The following MOK variants were observed in gnomAD, a reference collection of about 807,000 sequenced individuals.
The protein encoded by MOK is MOK protein kinase, also known as MAPK/MAK/MRK overlapping kinase.
Under a neutral mutation model 54.2 loss-of-function variants are expected in MOK, and 59 were observed. The observed-to-expected ratio is 1.09, with a 90% CI of 0.88 to 1.35. MOK has a LOEUF of 1.35. Ranked by LOEUF, MOK falls within the 40% of genes most tolerant of loss-of-function variation. The pLI is 0.00. For synonymous variants in MOK, 210 were observed against 202.7 expected (o/e 1.04, Z -0.31); for missense variants, 517 against 526.2 (o/e 0.98, Z 0.17).
chr14:102,295,626 CA>C (rs1271503544), intron 1 of MOK, among the ~76,000 whole-genome samples: 4 of 152,088 alleles, frequency 2.6e-5, no homozygotes, highest in African/African-American at 9.7e-5. Flanking sequence ...CAGTTCAAAC[CA>C]AATTACTAAA....
chr14:102,220,033 A>T (rs535324637), downstream of MOK, among the ~76,000 whole-genome samples: 1 of 152,188 alleles, frequency 6.6e-6, no homozygotes, highest in Non-Finnish European at 1.5e-5. This position sits in a 1 kb window ranked among gnomAD's most constrained non-coding sequence, Gnocchi z 4.2. Context: ...TGCTAATGGG[A>T]GAATAGGAAG....
intron 10 of MOK, chr14:102,229,911 G>C (rs2064514714): frequency 4.3e-6 from 2 of 467,608 alleles, no homozygotes; most frequent in East Asian, 3.6e-5. Context: ...GGGCGGCAAA[G>C]GGCTCGCGGG....
intron 2 of MOK, among the ~76,000 whole-genome samples, chr14:102,271,881 T>C (rs2068397791): frequency 6.6e-6 from 1 of 150,692 alleles, no homozygotes; most frequent in Non-Finnish European, 1.5e-5. Context: ...AAAGACTTTT[T>C]TCTTTTTCTT....
downstream of MOK, chr14:102,226,498 G>C (rs2064248993): frequency 1.3e-5 from 9 of 699,252 alleles, no homozygotes; most frequent in South Asian, 1.3e-4. This position sits in a 1 kb window ranked among gnomAD's most constrained non-coding sequence, Gnocchi z 4.8. Context: ...TCCAGTTTGG[G>C]GTGGCAGAGG....
intron 4 of MOK, chr14:102,260,753 A>G (rs940775624): frequency 6.6e-6 from 1 of 152,212 alleles, no homozygotes; most frequent in Non-Finnish European, 1.5e-5. Context: ...CAGATATTGA[A>G]AGAAATAGAT....
intron 3 of MOK, among the ~76,000 whole-genome samples, chr14:102,265,120 A>G (rs2067792621): frequency 6.6e-6 from 1 of 152,240 alleles, no homozygotes; most frequent in South Asian, 2.1e-4. Context: ...CAATTACAGT[A>G]AGAAAGACTA....
chr14:102,223,120 G>T, downstream of MOK: 1 of 404,322 alleles, frequency 2.5e-6, no homozygotes, highest in Non-Finnish European at 4.4e-6. Flanking sequence ...ATAAGAAATG[G>T]AGTTTTCTTG....
chr14:102,262,431 A>G (rs1488042642), intron 4 of MOK, among the ~76,000 whole-genome samples: 1 of 152,250 alleles, frequency 6.6e-6, no homozygotes. Flanking sequence ...TGCTAGGATT[A>G]TAGGCATGAG....
intron 1 of MOK, among the ~76,000 whole-genome samples, chr14:102,296,272 T>G (rs1260087259): frequency 6.8e-6 from 1 of 147,530 alleles, no homozygotes; most frequent in East Asian, 2.0e-4. Flanking sequence ...AATAGCAAGA[T>G]CTATTACAAA....
chr14:102,255,759 T>C (rs932907578), intron 4 of MOK, among the ~76,000 whole-genome samples: 3 of 152,192 alleles, frequency 2.0e-5, no homozygotes, highest in Non-Finnish European at 4.4e-5. Flanking sequence ...TAGAGTACAA[T>C]TAACGAGTTA....
intron 1 of MOK, among the ~76,000 whole-genome samples, chr14:102,296,279 CA>C (rs796388466): frequency 4.3e-5 from 6 of 140,564 alleles, no homozygotes; most frequent in African/African-American, 5.2e-5. Flanking sequence ...AGATCTATTA[CA>C]AAAAAAAAAC....
Position 102,278,919 on chromosome 14 carries a change from C to T in MOK, c.122+4559G>A, listed in dbSNP as rs149053925. Among the ~76,000 whole-genome samples, 24 of 152,318 alleles carry T rather than the reference C, an allele frequency of 1.6e-4. No individual in the cohort carries two copies. In the Middle Eastern group the frequency reaches 0.01, roughly 65 times the overall value. ...ATTTACATAGCAAGTTGCTTTATTA[C>T]GGTGTGCCAGCACTGCACTAAGTGC... On this transcript the variant is annotated intron_variant, in intron 2 of 11. Coordinates refer to ENST00000361847, the MANE Select transcript of MOK (RefSeq NM_014226.3).
At chr14:102,224,385 C>CTGAG (rs1415509384), downstream of MOK, 3 of 354,850 alleles carry the variant, frequency 8.5e-6, no homozygotes, top group Non-Finnish European at 1.6e-5. Context: ...TCGTGAGCAT[C>CTGAG]TGAGTTTAGG....
intron 7 of MOK, chr14:102,234,146 T>G (rs147145499): frequency 0.01 from 2,142 of 212,488 alleles, 23 homozygotes; most frequent in Non-Finnish European, 0.015. Context: ...GGTCAATTTT[T>G]CCTTTCTCTC....
At chr14:102,294,256 C>T (rs539508410) in intron 1 of MOK, among the ~76,000 whole-genome samples, 11 of 151,894 alleles carry the variant, frequency 7.2e-5, no homozygotes, top group African/African-American at 4.8e-5. Flanking sequence ...ACCATCCTGG[C>T]TAACATGGTG....
the MOK span, among the ~76,000 whole-genome samples, chr14:102,218,880 C>T: frequency 6.6e-6 from 1 of 152,254 alleles, no homozygotes; most frequent in African/African-American, 2.4e-5. Flanking sequence ...GCAGCTCCCG[C>T]ACGCTGCTGA....
chr14:102,287,436 A>G (rs533904250), intron 1 of MOK, among the ~76,000 whole-genome samples: 1 of 152,336 alleles, frequency 6.6e-6, no homozygotes, highest in South Asian at 2.1e-4. Context: ...ATGAAACCCC[A>G]TCGTACTAAA....
chr14:102,253,672 G>A (rs939738077), intron 4 of MOK, among the ~76,000 whole-genome samples: 5 of 152,150 alleles, frequency 3.3e-5, no homozygotes, highest in African/African-American at 9.7e-5. Context: ...GCTTTCTACC[G>A]TGCTTGAAGA....
chr14:102,219,103 C>T, the MOK span, among the ~76,000 whole-genome samples: 2 of 152,194 alleles, frequency 1.3e-5, no homozygotes, highest in Non-Finnish European at 2.9e-5. Flanking sequence ...GCTGTGCTCT[C>T]GAGGGAAGCT....
Sources: gnomAD v4.1 joint callset for allele counts (sites outside exome capture counted in the v4.1 genomes callset) on GRCh38, gnomAD v4.1.1 for gene constraint, Gnocchi (gnomAD v3.1) non-coding constraint, MANE v1.5 for transcripts, NCBI Gene and HGNC (gene_info 2026-07-23, HGNC 2026-07-21) for gene names.